CMIP: variants seen among roughly 807,000 people sequenced by gnomAD.
The protein encoded by CMIP is c-Maf inducing protein.
Under a neutral mutation model 97.3 loss-of-function variants are expected in CMIP, and 13 were observed. That is an observed-to-expected ratio of 0.13 (90% confidence interval 0.09 to 0.21). The LOEUF (loss-of-function observed/expected upper bound fraction) is 0.21. CMIP is among the 10% of genes least tolerant of loss of function. The pLI, the probability that CMIP is intolerant of heterozygous loss-of-function variation, is 1.00. For synonymous variants in CMIP, 538 were observed against 436.3 expected, an observed-to-expected ratio of 1.23 and a Z score of -2.91; for missense variants, 847 against 1,024.9, an observed-to-expected ratio of 0.83 and a Z score of 2.37.
At chr16:81,561,122 T>G (rs1383065742) in intron 1 of CMIP, among the ~76,000 whole-genome samples, 2 of 152,198 alleles carry the variant, frequency 1.3e-5, no homozygotes, top group African/African-American at 4.8e-5. Context: ...GCTTGGCTAC[T>G]TTTTGTAGTT....
At chr16:81,596,532 A>G (rs950744157) in intron 1 of CMIP, among the ~76,000 whole-genome samples, 1 of 150,056 alleles carries the variant, frequency 6.7e-6, no homozygotes, top group Admixed American at 6.6e-5. Flanking sequence ...AAAAAATTTC[A>G]ATTGGAACAT....
chr16:81,566,872 A>C (rs2090992916), intron 1 of CMIP, among the ~76,000 whole-genome samples: 1 of 152,266 alleles, frequency 6.6e-6, no homozygotes, highest in African/African-American at 2.4e-5. Context: ...TGAACAAAAT[A>C]AAGTAAAATG....
intron 3 of CMIP, among the ~76,000 whole-genome samples, chr16:81,624,676 G>A (rs1039739126): frequency 6.6e-6 from 1 of 152,134 alleles, no homozygotes; most frequent in Non-Finnish European, 1.5e-5. Context: ...TCCAAAGCTC[G>A]ACCCTATTCA....
intron 1 of CMIP, among the ~76,000 whole-genome samples, chr16:81,505,944 T>C (rs1358426258): frequency 1.3e-5 from 2 of 152,152 alleles, no homozygotes; most frequent in East Asian, 1.9e-4. Flanking sequence ...GCGGTGAGCC[T>C]AGATTGTGCC....
chr16:81,571,151 C>G lies in CMIP; in HGVS notation c.301-36416C>G, dbSNP rs189218675. On this transcript the variant is annotated intron_variant, in intron 1 of 20. Transcript: ENST00000537098. ...CAGCAGTTTTTCTGTAAATCTGAAG[C>G]TATTCTCAAAAATAAAATCTGTTAA... Among the ~76,000 whole-genome samples the G allele has an allele frequency of 3.6e-4, 55 of 152,226 alleles. No homozygotes were observed. The East Asian group carries it at 8.3e-3, about 23-fold the overall frequency.
chr16:81,491,091 G>T (rs1597471586), intron 1 of CMIP, among the ~76,000 whole-genome samples: 1 of 152,180 alleles, frequency 6.6e-6, no homozygotes, highest in East Asian at 1.9e-4. Context: ...CTGGGGTAGG[G>T]GTTTTGTGGT....
intron 7 of CMIP, among the ~76,000 whole-genome samples, chr16:81,669,825 C>T (rs1364029583): frequency 6.6e-6 from 1 of 152,220 alleles, no homozygotes; most frequent in Admixed American, 6.5e-5. Flanking sequence ...CCTCTCTTGT[C>T]CCCCCAGCCT....
At chr16:81,473,226 C>T (rs1365689811) in intron 1 of CMIP, among the ~76,000 whole-genome samples, 1 of 152,216 alleles carries the variant, frequency 6.6e-6, no homozygotes, top group African/African-American at 2.4e-5. Context: ...CGTGAACAGG[C>T]TGCGGCTGTC....
intron 1 of CMIP, among the ~76,000 whole-genome samples, chr16:81,539,950 T>C (rs1037304563): frequency 1.3e-4 from 20 of 152,362 alleles, no homozygotes; most frequent in African/African-American, 4.8e-4. Flanking sequence ...CCCCCAGCCC[T>C]GAGCACTGGG....
intron 1 of CMIP, among the ~76,000 whole-genome samples, chr16:81,473,663 A>G (rs1380180446): frequency 1.3e-5 from 2 of 151,662 alleles, no homozygotes; most frequent in African/African-American, 4.8e-5. Context: ...GTGATCTCAA[A>G]TCTCACTCAT....
intron 1 of CMIP, among the ~76,000 whole-genome samples, chr16:81,596,478 G>C (rs1231679745): frequency 7.0e-6 from 1 of 142,740 alleles, no homozygotes; most frequent in African/African-American, 2.7e-5. Flanking sequence ...TTGCATTCCA[G>C]CCTGGGCAAC....
rs1053898592 is a variant in CMIP at position 81,711,388 on chromosome 16, A to C, written c.*1589A>C. The C allele has an allele frequency of 6.6e-6, 1 of 152,144 alleles. No individual in the cohort carries two copies. The highest frequency in any genetic ancestry group is 2.4e-5 in the African/African-American group (1 of 41,360). The allele number at this position is 152,144 out of a possible 1,614,324, so 9.4% of individuals were successfully genotyped here. On this transcript the variant is annotated 3_prime_UTR_variant, in exon 21 of 21. Coordinates refer to ENST00000537098, the MANE Select transcript of CMIP (RefSeq NM_198390.3). ...CCTCATTTTTTTAAAAAAGGAAAAA[A>C]AAAAGAAACTGGGTTCCAGTCTTAA...
chr16:81,601,860 T>C (rs965314848), intron 1 of CMIP, among the ~76,000 whole-genome samples: 2 of 152,192 alleles, frequency 1.3e-5, no homozygotes, highest in African/African-American at 4.8e-5. Context: ...GGTTCGCTCC[T>C]TGCTTCTCAC....
chr16:81,512,330 G>T (rs1597490856), intron 1 of CMIP, among the ~76,000 whole-genome samples: 1 of 152,122 alleles, frequency 6.6e-6, no homozygotes, highest in Admixed American at 6.5e-5. Context: ...TGATGGGCAG[G>T]TTCTGGTGCT....
At chr16:81,665,815 T>C (rs2092597094) in intron 7 of CMIP, 1 of 151,912 alleles carries the variant, frequency 6.6e-6, no homozygotes, top group Non-Finnish European at 1.5e-5. Context: ...TAATCAATTA[T>C]AGCACTCTTT....
At chr16:81,516,763 A>G (rs2150799013) in intron 1 of CMIP, among the ~76,000 whole-genome samples, 1 of 152,354 alleles carries the variant, frequency 6.6e-6, no homozygotes, top group Admixed American at 6.5e-5. Flanking sequence ...GGCAATAGAT[A>G]TCGAAGCATC....
intron 3 of CMIP, chr16:81,631,251 G>T (rs942401162): frequency 6.6e-6 from 1 of 152,374 alleles, no homozygotes; most frequent in Non-Finnish European, 1.5e-5. Flanking sequence ...TGAAGCAGGA[G>T]CTGAGGAAGC....
chr16:81,626,328 G>C (rs1390261314), intron 3 of CMIP, among the ~76,000 whole-genome samples: 2 of 151,818 alleles, frequency 1.3e-5, no homozygotes, highest in Non-Finnish European at 2.9e-5. Context: ...TGAGGTGACT[G>C]GTGTGTCTGT....
At chr16:81,457,009 G>A (rs1906590037) in intron 1 of CMIP, among the ~76,000 whole-genome samples, 1 of 152,176 alleles carries the variant, frequency 6.6e-6, no homozygotes, top group Admixed American at 6.5e-5. Flanking sequence ...ACCTGACCCT[G>A]CAGAGCGCTC....
Sources: allele counts gnomAD v4.1 joint callset (sites outside exome capture counted in the v4.1 genomes callset), GRCh38; gene constraint gnomAD v4.1.1; transcripts MANE v1.5; gene names NCBI Gene and HGNC (gene_info 2026-07-23, HGNC 2026-07-21).